Variants in CCR3 observed in about 807,000 individuals in gnomAD.
The protein encoded by CCR3 is C-C motif chemokine receptor 3.
For synonymous variants in CCR3, 203 were observed against 179.2 expected, an observed-to-expected ratio of 1.13 and a Z score of -1.06; for missense variants, 419 against 437.5, an observed-to-expected ratio of 0.96 and a Z score of 0.38.
rs1700634419 is a variant in CCR3 at position 46,266,337 on chromosome 3, G to A, written c.*111G>A. On this transcript the variant is annotated 3_prime_UTR_variant, in exon 2 of 2. Transcript: ENST00000395940. ...TCCTTCAAACTTCCAGTGCAACACT[G>A]AAGCTCTTGAAGACACTGAAATATA... 1.5e-6 allele frequency: 1 copy of A among 667,368 alleles called. No individual in the cohort carries two copies. The highest frequency in any genetic ancestry group is 2.9e-5 in the Admixed American group (1 of 34,586). 41.3% of individuals were successfully genotyped at this position (667,368 alleles called of 1,614,324 possible).
chr3:46,264,344 G>T, intron 1 of CCR3: 1 of 1,070,086 alleles, frequency 9.3e-7, no homozygotes, highest in South Asian at 1.3e-5. Context: ...TAATTACTGT[G>T]ATTGTACATG....
intron 2 of CCR3, among the ~76,000 whole-genome samples, chr3:46,214,285 G>A (rs1467668383): frequency 1.3e-5 from 2 of 151,996 alleles, no homozygotes; most frequent in East Asian, 3.9e-4. Context: ...CCCTGCTACC[G>A]GTCACTTTTT....
At chr3:46,226,946 A>G (rs1379203164) in intron 2 of CCR3, among the ~76,000 whole-genome samples, 12 of 151,930 alleles carry the variant, frequency 7.9e-5, no homozygotes, top group Non-Finnish European at 1.8e-4. Flanking sequence ...ATCTCGGCTC[A>G]CTGCAACCTC....
intron 1 of CCR3, among the ~76,000 whole-genome samples, chr3:46,256,158 G>A (rs903226553): frequency 6.6e-6 from 1 of 152,040 alleles, no homozygotes; most frequent in Non-Finnish European, 1.5e-5. Flanking sequence ...TTAACATGGT[G>A]TTGCAACAAG....
intron 2 of CCR3, among the ~76,000 whole-genome samples, chr3:46,216,980 G>A (rs1265316299): frequency 1.3e-5 from 2 of 152,136 alleles, no homozygotes; most frequent in Admixed American, 6.5e-5. Flanking sequence ...CTAGCATGAT[G>A]AATAGAACAG....
chr3:46,228,478 C>T (rs763428971), intron 2 of CCR3, among the ~76,000 whole-genome samples: 2 of 152,072 alleles, frequency 1.3e-5, no homozygotes, highest in African/African-American at 4.8e-5. Context: ...GGCCATCTGC[C>T]CTGAGGTCTA....
intron 2 of CCR3, among the ~76,000 whole-genome samples, chr3:46,229,041 T>C (rs968253747): frequency 6.6e-6 from 1 of 152,220 alleles, no homozygotes; most frequent in Non-Finnish European, 1.5e-5. Flanking sequence ...GTGAGAGCTT[T>C]GATAGCTTGT....
chr3:46,221,466 A>G (rs2125923543), intron 2 of CCR3, among the ~76,000 whole-genome samples: 1 of 152,336 alleles, frequency 6.6e-6, no homozygotes, highest in South Asian at 2.1e-4. Context: ...GTATTCCTGC[A>G]CATGCAAGAT....
At chr3:46,229,042 G>A (rs1408690172) in intron 2 of CCR3, among the ~76,000 whole-genome samples, 1 of 152,132 alleles carries the variant, frequency 6.6e-6, no homozygotes, top group East Asian at 1.9e-4. Flanking sequence ...TGAGAGCTTT[G>A]ATAGCTTGTG....
upstream of CCR3, among the ~76,000 whole-genome samples, chr3:46,239,156 T>C (rs1272330911): frequency 1.3e-5 from 2 of 152,210 alleles, no homozygotes; most frequent in South Asian, 4.1e-4. Context: ...ATCTGCCTTA[T>C]TGCAAAATGC....
At chr3:46,226,575 C>A (rs560571363) in intron 2 of CCR3, among the ~76,000 whole-genome samples, 1 of 152,046 alleles carries the variant, frequency 6.6e-6, no homozygotes, top group African/African-American at 2.4e-5. Context: ...CTATGTAGAC[C>A]GCTATGTCTT....
At chr3:46,248,657 G>C (rs1700246861) in intron 1 of CCR3, among the ~76,000 whole-genome samples, 2 of 152,288 alleles carry the variant, frequency 1.3e-5, no homozygotes, top group South Asian at 4.2e-4. Flanking sequence ...TGAAGTAATG[G>C]GGGCTGTCTG....
At chr3:46,224,431 C>A (rs1699870850) in intron 2 of CCR3, among the ~76,000 whole-genome samples, 1 of 150,104 alleles carries the variant, frequency 6.7e-6, no homozygotes, top group African/African-American at 2.5e-5. Flanking sequence ...GGTGAAACCC[C>A]ATCTCTAATA....
chr3:46,231,858 A>G (rs1699969151), intron 2 of CCR3, among the ~76,000 whole-genome samples: 1 of 152,178 alleles, frequency 6.6e-6, no homozygotes, highest in Admixed American at 6.5e-5. Context: ...AACAAGATCT[A>G]TTGATCTATC....
chr3:46,249,726 G>A (rs888478036), intron 1 of CCR3, among the ~76,000 whole-genome samples: 3 of 152,164 alleles, frequency 2.0e-5, no homozygotes, highest in African/African-American at 7.2e-5. Context: ...CCTTGGCCTG[G>A]TGGTCAGATT....
chr3:46,244,700 T>G (rs1184304245), intron 1 of CCR3, among the ~76,000 whole-genome samples: 1 of 152,182 alleles, frequency 6.6e-6, no homozygotes, highest in Non-Finnish European at 1.5e-5. Flanking sequence ...ATGTCATCAG[T>G]TAAGGCGGGG....
chr3:46,211,577 A>G (rs1324109907), intron 2 of CCR3, among the ~76,000 whole-genome samples: 1 of 152,024 alleles, frequency 6.6e-6, no homozygotes, highest in Non-Finnish European at 1.5e-5. Flanking sequence ...GGTCTACAGG[A>G]ATTCTCTGAG....
At position 46,242,982 on chromosome 3, in the gene CCR3, CAT is replaced by C. The variant is rs10662192; in HGVS notation, c.-12+464_-12+465del. On this transcript the variant is annotated intron_variant, in intron 1 of 1. Transcript: ENST00000395940. ...ATATGTGTATATATATATATATACA[CAT>C]ATATATATATATATATATACGCACA... is the stretch of plus-strand genomic sequence containing the variant. Among the ~76,000 whole-genome samples the C allele has an allele frequency of 1.0e-3, 102 of 99,274 alleles. 2 individuals carry two copies. The highest frequency in any genetic ancestry group is 2.2e-3 in the Admixed American group (22 of 9,922). 65.1% of individuals were successfully genotyped at this position (99,274 alleles called of 152,430 possible). A position where few individuals can be genotyped will look rare whatever the true frequency, so the allele number is the denominator to read the frequency against.
chr3:46,239,659 A>G (rs1315489478), upstream of CCR3, among the ~76,000 whole-genome samples: 1 of 152,212 alleles, frequency 6.6e-6, no homozygotes, highest in East Asian at 1.9e-4. Flanking sequence ...GAGCTTGGAC[A>G]GGTCACTTGA....
Sources: allele counts gnomAD v4.1 joint callset (sites outside exome capture counted in the v4.1 genomes callset), GRCh38; gene constraint gnomAD v4.1.1; transcripts MANE v1.5; gene names NCBI Gene and HGNC (gene_info 2026-07-23, HGNC 2026-07-21).